The following SLC22A25 variants were observed in gnomAD, a reference collection of about 807,000 sequenced individuals.
SLC22A25 encodes MGI:2442751, MGI:2385316, MGI:3042283, MGI:3645714, MGI:3605624, MGI:2442750.
A neutral mutation model predicts 45.9 loss-of-function variants in SLC22A25; 44 were observed. The observed-to-expected ratio is 0.96, with a 90% CI of 0.75 to 1.23. The LOEUF (loss-of-function observed/expected upper bound fraction) is 1.23, where lower values mean the gene tolerates loss of function less well. SLC22A25 is among the 50% of genes most tolerant of loss of function. The probability of loss-of-function intolerance (pLI) is 0.00; values close to 1 mark genes in which losing one functional copy is unlikely to be tolerated. For missense variants in SLC22A25, 800 were observed against 666.4 expected, an observed-to-expected ratio of 1.20 and a Z score of -2.21; for synonymous variants, 283 against 238.6, an observed-to-expected ratio of 1.19 and a Z score of -1.72.
chr11:63,173,322 C>T (rs939103790), intron 9 of SLC22A25, among the ~76,000 whole-genome samples: 5 of 152,080 alleles, frequency 3.3e-5, no homozygotes, highest in African/African-American at 9.7e-5. Flanking sequence ...CACCATGGCA[C>T]ATGTATACCA....
chr11:63,217,040 G>A (rs1031619521), intron 7 of SLC22A25, among the ~76,000 whole-genome samples: 1 of 152,086 alleles, frequency 6.6e-6, no homozygotes, highest in African/African-American at 2.4e-5. Flanking sequence ...AATTTCCTAT[G>A]AACAGTGAAT....
At chr11:63,199,142 A>G (rs1362842922) in intron 7 of SLC22A25, among the ~76,000 whole-genome samples, 1 of 151,940 alleles carries the variant, frequency 6.6e-6, no homozygotes, top group African/African-American at 2.4e-5. Flanking sequence ...AATAATATAT[A>G]TATAGATCCC....
intron 7 of SLC22A25, among the ~76,000 whole-genome samples, chr11:63,208,888 C>A (rs1590869563): frequency 6.6e-6 from 1 of 152,080 alleles, no homozygotes; most frequent in Non-Finnish European, 1.5e-5. Context: ...ACTCCCATAA[C>A]AGGACCCGGT....
intron 5 of SLC22A25, among the ~76,000 whole-genome samples, chr11:63,223,773 G>A (rs552466145): frequency 6.6e-6 from 1 of 151,686 alleles, no homozygotes; most frequent in Admixed American, 6.6e-5. Context: ...TTCCCTCTTG[G>A]TACCGCTTTT....
intron 7 of SLC22A25, among the ~76,000 whole-genome samples, chr11:63,194,569 A>G (rs922368745): frequency 1.3e-5 from 2 of 152,162 alleles, no homozygotes; most frequent in African/African-American, 2.4e-5. Context: ...AGGAAGCACT[A>G]AACATGGAAA....
intron 9 of SLC22A25, among the ~76,000 whole-genome samples, chr11:63,173,228 G>A (rs867286243): frequency 2.9e-5 from 4 of 139,998 alleles, no homozygotes; most frequent in South Asian, 2.4e-4. Flanking sequence ...GGGGTGGGGG[G>A]CAAGGGGTGG....
At chr11:63,170,400 C>T (rs2087836216) in intron 9 of SLC22A25, among the ~76,000 whole-genome samples, 1 of 151,554 alleles carries the variant, frequency 6.6e-6, no homozygotes, top group Admixed American at 6.6e-5. Context: ...AAAAGATCAA[C>T]AAAATAAATA....
chr11:63,183,670 A>G (rs1311867620), intron 8 of SLC22A25, 24 bp downstream of exon 8: 1 of 1,612,028 alleles, frequency 6.2e-7, no homozygotes, highest in African/African-American at 1.3e-5. Flanking sequence ...CCAGCATCCC[A>G]TATCCAGCTC....
intron 3 of SLC22A25, among the ~76,000 whole-genome samples, chr11:63,237,316 T>A (rs1431296023): frequency 6.6e-6 from 1 of 152,080 alleles, no homozygotes; most frequent in Non-Finnish European, 1.5e-5. Flanking sequence ...AAAATATAAG[T>A]TGAAATAAAA....
intron 9 of SLC22A25, among the ~76,000 whole-genome samples, chr11:63,177,231 T>C (rs2088122498): frequency 6.6e-6 from 1 of 152,052 alleles, no homozygotes; most frequent in South Asian, 2.1e-4. Context: ...TTAATGTTTA[T>C]GGATACATGA....
chr11:63,189,224 T>C (rs1331769328), intron 7 of SLC22A25, among the ~76,000 whole-genome samples: 1 of 152,222 alleles, frequency 6.6e-6, no homozygotes, highest in Non-Finnish European at 1.5e-5. Context: ...TGAATCTGGG[T>C]ACTCCTGTAT....
chr11:63,239,206 A>C (rs1202034266), intron 1 of SLC22A25, 71 bp from the exon 2 acceptor site: 1 of 152,226 alleles, frequency 6.6e-6, no homozygotes, highest in Non-Finnish European at 1.5e-5. Context: ...CTGAAGTCCC[A>C]TTGAGTGTAT....
intron 9 of SLC22A25, among the ~76,000 whole-genome samples, chr11:63,177,024 T>C (rs1470821942): frequency 1.3e-5 from 2 of 152,182 alleles, no homozygotes; most frequent in Admixed American, 6.6e-5. Context: ...CTGGATATAA[T>C]ACTTTTTGTT....
At chr11:63,198,894 C>T (rs1442857293) in intron 7 of SLC22A25, among the ~76,000 whole-genome samples, 2 of 152,022 alleles carry the variant, frequency 1.3e-5, no homozygotes, top group Non-Finnish European at 2.9e-5. Flanking sequence ...ATCTCTGGGA[C>T]ACAGCTAAGG....
At chr11:63,234,680 A>G (rs983721790) in intron 3 of SLC22A25, among the ~76,000 whole-genome samples, 2 of 152,184 alleles carry the variant, frequency 1.3e-5, no homozygotes, top group Non-Finnish European at 2.9e-5. Context: ...TCCTGTCATT[A>G]TGATGTTAGC....
intron 7 of SLC22A25, among the ~76,000 whole-genome samples, chr11:63,197,173 A>G (rs1590845113): frequency 1.3e-5 from 2 of 152,210 alleles, no homozygotes; most frequent in Non-Finnish European, 2.9e-5. Context: ...GAAGATGGCC[A>G]TACTGCCCAA....
intron 7 of SLC22A25, among the ~76,000 whole-genome samples, chr11:63,204,994 A>T (rs1472430801): frequency 6.6e-6 from 1 of 152,242 alleles, no homozygotes; most frequent in Non-Finnish European, 1.5e-5. Context: ...ATTAGAACTC[A>T]GGATTAAGAA....
In SLC22A25 at chr11:63,237,890, G is replaced by A. The variant is rs1356851926; in HGVS notation, c.-454C>T. On this transcript the variant is annotated 5_prime_UTR_variant, in exon 3 of 12. Transcript: ENST00000306494. ...GGATGGAAATACTCACTAGTATAGT[G>A]ATCTTTGAACAGAGATGCTCATCTG... 6.6e-6 allele frequency: 1 copy of A among 152,188 alleles called. No homozygotes were observed. The highest frequency in any genetic ancestry group is 6.5e-5 in the Admixed American group (1 of 15,274). The allele number at this position is 152,188 out of a possible 1,614,324, so 9.4% of individuals were successfully genotyped here. A position where few individuals can be genotyped will look rare whatever the true frequency, so the allele number is the denominator to read the frequency against.
Position 63,229,549 on chromosome 11 carries a change from G to A in SLC22A25, c.104C>T (p.Thr35Ile), listed in dbSNP as rs1291408392. 1.2e-6 allele frequency: 2 copies of A among 1,614,132 alleles called. No individual in the cohort carries two copies. Among genetic ancestry groups the A allele is most frequent in the Admixed American group, 1.7e-5 (1 of 60,012 alleles). The change falls in exon 4 of 12, where the codon ACT becomes ATT. Residue 35 changes from threonine (T) to isoleucine (I), a missense_variant. Coordinates refer to ENST00000306494, the MANE Select transcript of SLC22A25 (RefSeq NM_199352.6). Reference protein sequence around the residue: ...IMFNVIVYHQTQLENFAAFIL... With the variant: ...IMFNVIVYHQIQLENFAAFIL... ...GAATGCTGCGAAGTTCTCCAGCTGA[G>A]TTTGATGGTATACTATGACGTTGAA... is the stretch of plus-strand genomic sequence containing the variant.
Sources: gnomAD v4.1 joint callset for allele counts (sites outside exome capture counted in the v4.1 genomes callset) on GRCh38, gnomAD v4.1.1 for gene constraint, MANE v1.5 for transcripts, NCBI Gene and HGNC (gene_info 2026-07-23, HGNC 2026-07-21) for gene names.